Variants in CCDC171 observed in about 807,000 individuals in gnomAD.
CCDC171 encodes the protein coiled-coil domain-containing protein 171.
In CCDC171, 177 loss-of-function variants were observed where a neutral mutation model predicts 168.2. The observed-to-expected ratio is 1.05, with a 90% CI of 0.93 to 1.19. The LOEUF is 1.19. Ranked by LOEUF, CCDC171 falls within the 50% of genes most tolerant of loss-of-function variation. The pLI is 0.00. For synonymous variants in CCDC171, 687 were observed against 540.8 expected (o/e 1.27, Z -3.75); for missense variants, 1,991 against 1,539.0 (o/e 1.29, Z -4.91).
At chr9:15,564,503 C>G (rs956929505) in intron 2 of CCDC171, among the ~76,000 whole-genome samples, 1 of 152,242 alleles carries the variant, frequency 6.6e-6, no homozygotes, top group South Asian at 2.1e-4. Flanking sequence ...TGGCCCAGCT[C>G]TAATTCATGG....
intron 20 of CCDC171, among the ~76,000 whole-genome samples, chr9:15,783,758 C>G (rs1483917301): frequency 6.6e-6 from 1 of 152,176 alleles, no homozygotes; most frequent in Non-Finnish European, 1.5e-5. Context: ...GTACTGTGCC[C>G]TCCAAAGCAG....
chr9:15,846,581 G>A (rs1205486817), intron 21 of CCDC171, 121 bp from the exon 22 acceptor site: 1 of 914,318 alleles, frequency 1.1e-6, no homozygotes, highest in East Asian at 2.5e-5. Flanking sequence ...AAACTTTGAT[G>A]TGTAATGACC....
chr9:15,987,845 T>C (rs1832044242), intron 3 of CCDC171, among the ~76,000 whole-genome samples: 1 of 148,834 alleles, frequency 6.7e-6, no homozygotes, highest in African/African-American at 2.5e-5. Context: ...TCATTTATGT[T>C]TCATATATAC....
intron 3 of CCDC171, among the ~76,000 whole-genome samples, chr9:15,993,644 A>G (rs1354858408): frequency 6.6e-6 from 1 of 152,256 alleles, no homozygotes; most frequent in Non-Finnish European, 1.5e-5. Context: ...AACTACCATC[A>G]GCGTGAACAG....
At chr9:16,023,784 C>T (rs16933968) in intron 6 of CCDC171, among the ~76,000 whole-genome samples, 2,401 of 152,078 alleles carry the variant, frequency 0.016, 78 homozygotes, top group South Asian at 0.1. Flanking sequence ...GTCACTGTCA[C>T]AGCTGAGGTT....
At chr9:15,741,308 C>T (rs972904472) in intron 16 of CCDC171, among the ~76,000 whole-genome samples, 1 of 152,152 alleles carries the variant, frequency 6.6e-6, no homozygotes, top group Admixed American at 6.5e-5. Flanking sequence ...TTCTCCTCAG[C>T]CTCTGGTGAC....
intron 7 of CCDC171, among the ~76,000 whole-genome samples, chr9:15,641,285 A>T (rs1219642738): frequency 6.6e-6 from 1 of 152,186 alleles, no homozygotes; most frequent in African/African-American, 2.4e-5. Context: ...TGTACTCATG[A>T]TAATTCATCT....
At chr9:15,691,546 T>TA (rs1554762228) in intron 10 of CCDC171, among the ~76,000 whole-genome samples, 1,229 of 106,372 alleles carry the variant, frequency 0.012, 36 homozygotes, top group Middle Eastern at 0.032. Context: ...TATATGTTTT[T>TA]TATATATATA....
chr9:15,721,812 C>G lies in CCDC171; in HGVS notation c.1362C>G (p.Val454=), dbSNP rs756735351. 9 of 1,568,782 alleles carry G rather than the reference C, an allele frequency of 5.7e-6. No individual in the cohort carries two copies. In the Admixed American group the frequency reaches 1.1e-4, roughly 19 times the overall value. Residue 454 remains valine, a synonymous_variant, in exon 12 of 26, where the codon GTC becomes GTG. Coordinates refer to ENST00000380701, the MANE Select transcript of CCDC171 (RefSeq NM_173550.4). The stretch of plus-strand genomic sequence containing the variant: ...ATAAACCTCCCAGCTTCTCTGTTGT[C>G]CTTGAGAGATTGAGGCGTACCTTGA... ...DKDKPPSFSV[V]LERLRRTLTD...
intron 18 of CCDC171, among the ~76,000 whole-genome samples, chr9:15,762,683 A>C (rs2056514504): frequency 6.6e-6 from 1 of 152,170 alleles, no homozygotes; most frequent in South Asian, 2.1e-4. Flanking sequence ...CATGCAATAA[A>C]ATGTGCTTAT....
chr9:15,688,229 A>C (rs1035892059), intron 10 of CCDC171, among the ~76,000 whole-genome samples: 1 of 152,078 alleles, frequency 6.6e-6, no homozygotes, highest in Non-Finnish European at 1.5e-5. Context: ...ATTAGTAATC[A>C]AAAAAACTCC....
At chr9:15,961,682 C>G (rs1830345106) in intron 25 of CCDC171, among the ~76,000 whole-genome samples, 1 of 152,112 alleles carries the variant, frequency 6.6e-6, no homozygotes, top group Non-Finnish European at 1.5e-5. Context: ...ATTTTGACCA[C>G]ACATTTTAGA....
chr9:15,995,175 A>G (rs978058848), intron 3 of CCDC171, among the ~76,000 whole-genome samples: 2 of 152,156 alleles, frequency 1.3e-5, no homozygotes, highest in Admixed American at 1.3e-4. Flanking sequence ...TTCTAAGTCT[A>G]CCCTAGGCAC....
At chr9:15,725,892 G>A (rs547302603) in intron 14 of CCDC171, among the ~76,000 whole-genome samples, 11 of 152,180 alleles carry the variant, frequency 7.2e-5, no homozygotes, top group Non-Finnish European at 1.5e-4. Flanking sequence ...ACCCTGGAGA[G>A]TTGCCTACCC....
chr9:15,926,495 G>A (rs1487716385), intron 25 of CCDC171, among the ~76,000 whole-genome samples: 3 of 151,362 alleles, frequency 2.0e-5, no homozygotes, highest in African/African-American at 7.3e-5. Flanking sequence ...TTTTGTTTTT[G>A]ATGCTCTTTC....
At chr9:16,001,533 G>A (rs1166637751) in intron 3 of CCDC171, among the ~76,000 whole-genome samples, 1 of 152,022 alleles carries the variant, frequency 6.6e-6, no homozygotes, top group Non-Finnish European at 1.5e-5. Context: ...GTTTGCTGAT[G>A]ACTTTGTATT....
intron 18 of CCDC171, among the ~76,000 whole-genome samples, chr9:15,753,530 A>G (rs7034781): frequency 0.46 from 69,654 of 151,906 alleles, 16,296 homozygotes; most frequent in Non-Finnish European, 0.5. Context: ...TGAGCACATT[A>G]CAAAAGTGGC....
chr9:16,092,436 G>A, the CCDC171 span, among the ~76,000 whole-genome samples: 1 of 152,182 alleles, frequency 6.6e-6, no homozygotes, highest in African/African-American at 2.4e-5. Context: ...GTCTGCCTGG[G>A]ACAGCTGCAT....
At chr9:15,741,924 C>T (rs1189380207) in intron 16 of CCDC171, among the ~76,000 whole-genome samples, 1 of 152,182 alleles carries the variant, frequency 6.6e-6, no homozygotes, top group Non-Finnish European at 1.5e-5. Flanking sequence ...GTCTCTATCT[C>T]TACCTGTATC....
Sources: gnomAD v4.1 joint callset for allele counts (sites outside exome capture counted in the v4.1 genomes callset) on GRCh38, gnomAD v4.1.1 for gene constraint, MANE v1.5 for transcripts, NCBI Gene and HGNC (gene_info 2026-07-23, HGNC 2026-07-21) for gene names.